Variants in OTUD7A observed in about 807,000 individuals in gnomAD.
The protein encoded by OTUD7A is OTU domain-containing protein 7A.
Under a neutral mutation model 65.7 loss-of-function variants are expected in OTUD7A, and 12 were observed. The observed-to-expected ratio is 0.18, with a 90% CI of 0.12 to 0.30. The LOEUF (loss-of-function observed/expected upper bound fraction) is 0.30. Ranked by LOEUF, OTUD7A falls within the 10% of genes least tolerant of loss-of-function variation. The pLI is 1.00. For synonymous variants in OTUD7A, 641 were observed against 586.3 expected (o/e 1.09, Z -1.35); for missense variants, 1,148 against 1,304.8 (o/e 0.88, Z 1.85).
At chr15:31,827,354 C>A (rs1170921944) in intron 1 of OTUD7A, among the ~76,000 whole-genome samples, 1 of 152,140 alleles carries the variant, frequency 6.6e-6, no homozygotes, top group East Asian at 1.9e-4. Context: ...CCTGGATAAA[C>A]CCATCAGATT....
At chr15:31,725,407 T>C (rs955138138) in intron 1 of OTUD7A, among the ~76,000 whole-genome samples, 3 of 152,198 alleles carry the variant, frequency 2.0e-5, no homozygotes, top group Admixed American at 6.5e-5. Context: ...TTCTTTTATT[T>C]AGCCCATGGG....
chr15:31,676,235 G>A (rs1419210850), intron 1 of OTUD7A, among the ~76,000 whole-genome samples: 1 of 152,156 alleles, frequency 6.6e-6, no homozygotes, highest in East Asian at 1.9e-4. Flanking sequence ...GATAATGGCA[G>A]ATGCCCTTAA....
At chr15:31,532,234 A>C (rs1887647144) in intron 5 of OTUD7A, among the ~76,000 whole-genome samples, 1 of 152,254 alleles carries the variant, frequency 6.6e-6, no homozygotes, top group African/African-American at 2.4e-5. Context: ...GGGATTTAAA[A>C]GTAGTCATCC....
At chr15:31,716,917 CT>C (rs1228274566) in intron 1 of OTUD7A, among the ~76,000 whole-genome samples, 1 of 152,196 alleles carries the variant, frequency 6.6e-6, no homozygotes, top group Non-Finnish European at 1.5e-5. Context: ...CATAAAAGGC[CT>C]TCTTTAACTC....
intron 1 of OTUD7A, among the ~76,000 whole-genome samples, chr15:31,772,668 G>C (rs550479955): frequency 5.5e-4 from 84 of 152,288 alleles, no homozygotes; most frequent in Middle Eastern, 6.8e-3. Flanking sequence ...CAGCAAAGTT[G>C]GGGAACTGCT....
At chr15:31,555,397 TATAA>T (rs1267542074) in intron 5 of OTUD7A, among the ~76,000 whole-genome samples, 9 of 152,224 alleles carry the variant, frequency 5.9e-5, no homozygotes, top group Non-Finnish European at 1.3e-4. Flanking sequence ...TAATATTGCA[TATAA>T]ATAGTTTATT....
chr15:31,603,901 C>T (rs923344841), intron 3 of OTUD7A, among the ~76,000 whole-genome samples: 1 of 152,194 alleles, frequency 6.6e-6, no homozygotes, highest in Non-Finnish European at 1.5e-5. Context: ...GAGATACCAT[C>T]TCACACCAGT....
At chr15:31,681,277 G>A (rs1423828795) in intron 1 of OTUD7A, among the ~76,000 whole-genome samples, 3 of 151,186 alleles carry the variant, frequency 2.0e-5, no homozygotes, top group South Asian at 4.2e-4. Context: ...CTGCCATCCT[G>A]TCTATTTCTA....
intron 1 of OTUD7A, among the ~76,000 whole-genome samples, chr15:31,679,013 G>C (rs1892654407): frequency 6.6e-6 from 1 of 152,248 alleles, no homozygotes; most frequent in African/African-American, 2.4e-5. Context: ...GGCTGTAGGA[G>C]CTCACCTGTT....
At chr15:31,828,299 G>A (rs1896847854) in intron 1 of OTUD7A, among the ~76,000 whole-genome samples, 2 of 151,554 alleles carry the variant, frequency 1.3e-5, no homozygotes, top group African/African-American at 4.8e-5. Context: ...TTACATTTTT[G>A]TTAGTATTTT....
chr15:31,532,686 G>A (rs1045170353), intron 5 of OTUD7A, among the ~76,000 whole-genome samples: 1 of 152,150 alleles, frequency 6.6e-6, no homozygotes, highest in Non-Finnish European at 1.5e-5. Context: ...CCAGCACTTT[G>A]GGAGGCTGAG....
At position 31,487,161 on chromosome 15, in the gene OTUD7A, T is replaced by C; in HGVS notation, c.1371+33A>G. The C allele has an allele frequency of 6.3e-7, 1 of 1,596,290 alleles. No homozygotes were observed. The highest frequency in any genetic ancestry group is 8.6e-7 in the Non-Finnish European group (1 of 1,166,044). On this transcript the variant is annotated intron_variant, in intron 12 of 12. Coordinates refer to ENST00000307050, the MANE Select transcript of OTUD7A (RefSeq NM_001382637.1). The surrounding 1 kb of genome is among the most constrained non-coding windows in gnomAD (Gnocchi z 6.0). ...TGGAGCTGAGCAGCCTGGACCCTGC[T>C]GCCAGGTCTGGTCCCAGCACAGCCA...
At chr15:31,655,061 G>A (rs59519082) in intron 3 of OTUD7A, 35 bp downstream of exon 3, 162 of 1,607,354 alleles carry the variant, frequency 1.0e-4, no homozygotes, top group Non-Finnish European at 1.3e-4. Flanking sequence ...GTTATGCCCA[G>A]AATGGTGGTG....
chr15:31,659,486 C>A (rs1892096418), intron 1 of OTUD7A, among the ~76,000 whole-genome samples: 2 of 152,222 alleles, frequency 1.3e-5, no homozygotes, highest in Admixed American at 1.3e-4. Flanking sequence ...TGCAAAAACA[C>A]TCAGGAATCG....
chr15:31,638,585 C>T (rs1351721417), intron 3 of OTUD7A, among the ~76,000 whole-genome samples: 1 of 149,298 alleles, frequency 6.7e-6, no homozygotes, highest in Non-Finnish European at 1.5e-5. Context: ...TCAATAGAGA[C>T]GAGGTCTCAC....
intron 4 of OTUD7A, among the ~76,000 whole-genome samples, chr15:31,563,549 T>C (rs1888763613): frequency 6.6e-6 from 1 of 152,118 alleles, no homozygotes; most frequent in Admixed American, 6.6e-5. Flanking sequence ...GCCTTTCCTC[T>C]CCCCAGCATG....
intron 3 of OTUD7A, among the ~76,000 whole-genome samples, chr15:31,621,689 A>T (rs1276951049): frequency 6.6e-6 from 1 of 152,058 alleles, no homozygotes; most frequent in Non-Finnish European, 1.5e-5. Flanking sequence ...TCCTGAATAC[A>T]GCACACTGAT....
chr15:31,662,514 T>C (rs1206209883), intron 1 of OTUD7A, among the ~76,000 whole-genome samples: 1 of 152,242 alleles, frequency 6.6e-6, no homozygotes, highest in East Asian at 1.9e-4. Flanking sequence ...TTGACACTAG[T>C]GTAGCTGATA....
At chr15:31,865,515 G>A (rs1438141027) in intron 1 of OTUD7A, among the ~76,000 whole-genome samples, 1 of 152,214 alleles carries the variant, frequency 6.6e-6, no homozygotes, top group Non-Finnish European at 1.5e-5. Context: ...TAAGCTTACT[G>A]TAAAAACTCG....
Sources: gnomAD v4.1 joint callset for allele counts (sites outside exome capture counted in the v4.1 genomes callset) on GRCh38, gnomAD v4.1.1 for gene constraint, Gnocchi (gnomAD v3.1) non-coding constraint, MANE v1.5 for transcripts, NCBI Gene and HGNC (gene_info 2026-07-23, HGNC 2026-07-21) for gene names.